PHKB: variants seen among roughly 807,000 people sequenced by gnomAD.
PHKB encodes phosphorylase kinase regulatory subunit beta, also known as phosphorylase b kinase regulatory subunit beta.
A neutral mutation model predicts 152.1 loss-of-function variants in PHKB; 122 were observed. That is an observed-to-expected ratio of 0.80 (90% CI 0.69 to 0.93). PHKB has a LOEUF of 0.93. Among genes scored for constraint, PHKB ranks in the 40% least tolerant of loss-of-function variants. PHKB has a pLI of 0.00. For missense variants in PHKB, 1,304 were observed against 1,328.4 expected, an observed-to-expected ratio of 0.98 and a Z score of 0.29; for synonymous variants, 436 against 464.9, an observed-to-expected ratio of 0.94 and a Z score of 0.80.
At chr16:47,492,720 C>A (rs967810727) in intron 1 of PHKB, among the ~76,000 whole-genome samples, 2 of 152,196 alleles carry the variant, frequency 1.3e-5, no homozygotes, top group Non-Finnish European at 2.9e-5. Context: ...ACCTTCTCAA[C>A]ACCTGGGAGT....
At chr16:47,661,841 T>C (rs766905150) in intron 23 of PHKB, 41 bp downstream of exon 23, 1 of 1,239,858 alleles carries the variant, frequency 8.1e-7, no homozygotes, top group South Asian at 1.2e-5. Flanking sequence ...AGAGGACCTC[T>C]CTAGCCTTGA....
chr16:47,693,871 G>A (rs1211600186), intron 28 of PHKB, among the ~76,000 whole-genome samples: 2 of 152,154 alleles, frequency 1.3e-5, no homozygotes, highest in African/African-American at 4.8e-5. Context: ...TGAGCAAGCT[G>A]TCCTTCCTTT....
intron 13 of PHKB, among the ~76,000 whole-genome samples, chr16:47,602,542 C>CTTTTTTTTTTTTTTTTTTTT (rs34655174): frequency 1.6e-5 from 2 of 122,678 alleles, no homozygotes; most frequent in Non-Finnish European, 1.7e-5. Flanking sequence ...GCTTCTCTTC[C>CTTTTTTTTTTTTTTTTTTTT]TTTTTTTTTT....
chr16:47,656,621 A>C (rs1973344189), intron 20 of PHKB, among the ~76,000 whole-genome samples: 2 of 152,174 alleles, frequency 1.3e-5, no homozygotes, highest in South Asian at 4.1e-4. Context: ...TGTGCAAACA[A>C]TCTCTAGAAC....
chr16:47,647,333 A>C (rs1973148875), intron 16 of PHKB, among the ~76,000 whole-genome samples: 1 of 152,174 alleles, frequency 6.6e-6, no homozygotes, highest in Non-Finnish European at 1.5e-5. Context: ...CATGTCGGCC[A>C]GGCTGGTCTT....
Position 47,679,509 on chromosome 16 carries a change from G to T in PHKB, c.2631-9532G>T, listed in dbSNP as rs576207130. Among the ~76,000 whole-genome samples the T allele has an allele frequency of 3.6e-3, 543 of 152,172 alleles. 2 individuals are homozygous for T. Among genetic ancestry groups the T allele is most frequent in the Non-Finnish European group, 6.0e-3 (411 of 67,994 alleles). ...ACATCCCTTGTAAGTTGAATTCCTA[G>T]GTATTTTATTCTCTTTGAAGCAATT... On this transcript the variant is annotated intron_variant, in intron 26 of 30. Coordinates refer to ENST00000323584, the MANE Select transcript of PHKB (RefSeq NM_000293.3).
chr16:47,589,167 G>A, intron 10 of PHKB, 65 bp downstream of exon 10: 1 of 1,228,712 alleles, frequency 8.1e-7, no homozygotes, highest in African/African-American at 1.5e-5. Context: ...TCAGGAGACT[G>A]ACCATTGGGT....
At position 47,651,576 on chromosome 16, in the gene PHKB, C is replaced by A. The variant is rs554205129; in HGVS notation, c.1971+655C>A. Among the ~76,000 whole-genome samples the A allele has an allele frequency of 4.0e-4, 61 of 152,302 alleles. No homozygotes were observed. In the South Asian group the frequency reaches 0.012, roughly 31 times the overall value. On this transcript the variant is annotated intron_variant, in intron 20 of 30. Coordinates refer to ENST00000323584, the MANE Select transcript of PHKB (RefSeq NM_000293.3). ...AATCATGCAGACCACAAATATACTT[C>A]TATTCTTCACCATGCTTTCGTGACC... is the stretch of plus-strand genomic sequence containing the variant.
chr16:47,589,412 C>T (rs1448534421), intron 10 of PHKB, among the ~76,000 whole-genome samples: 3 of 152,198 alleles, frequency 2.0e-5, no homozygotes, highest in African/African-American at 7.2e-5. Context: ...GGGCCATGTT[C>T]ATTTATTGGG....
At chr16:47,541,682 T>C (rs916609653) in intron 6 of PHKB, among the ~76,000 whole-genome samples, 5 of 152,312 alleles carry the variant, frequency 3.3e-5, no homozygotes, top group Non-Finnish European at 7.4e-5. Context: ...TTTTAATGAT[T>C]GCCATTCTAA....
chr16:47,535,821 C>T (rs11862096), intron 6 of PHKB, among the ~76,000 whole-genome samples: 17,783 of 152,168 alleles, frequency 0.12, 2,280 homozygotes, highest in African/African-American at 0.32. Flanking sequence ...ATACTGAAAA[C>T]ACCACAGATG....
intron 27 of PHKB, among the ~76,000 whole-genome samples, chr16:47,689,516 C>A (rs1974024035): frequency 6.6e-6 from 1 of 152,182 alleles, no homozygotes; most frequent in African/African-American, 2.4e-5. Context: ...CTCCTCCCAG[C>A]ATTTTGGCAG....
At chr16:47,510,237 G>C (rs1430657373) in intron 4 of PHKB, among the ~76,000 whole-genome samples, 1 of 152,108 alleles carries the variant, frequency 6.6e-6, no homozygotes, top group South Asian at 2.1e-4. Flanking sequence ...GTGTTATGTA[G>C]GCATGATTGA....
At chr16:47,697,636 C>T (rs1373696450) in intron 29 of PHKB, among the ~76,000 whole-genome samples, 1 of 152,080 alleles carries the variant, frequency 6.6e-6, no homozygotes, top group African/African-American at 2.4e-5. Flanking sequence ...TTTGAAGCAT[C>T]GAGATAAAAT....
intron 8 of PHKB, among the ~76,000 whole-genome samples, chr16:47,582,227 T>C (rs554349236): frequency 1.3e-5 from 2 of 152,274 alleles, no homozygotes; most frequent in South Asian, 4.2e-4. Context: ...GCCAGCTCTT[T>C]TTTGCAATAG....
intron 6 of PHKB, among the ~76,000 whole-genome samples, chr16:47,546,138 G>A (rs1364381523): frequency 6.6e-6 from 1 of 152,106 alleles, no homozygotes; most frequent in Non-Finnish European, 1.5e-5. Flanking sequence ...TCCGTTGCTG[G>A]TGAGGAGCTA....
rs1303360449 is a variant in PHKB, at chr16:47,679,057, G to T, written c.2630+9640G>T. On this transcript the variant is annotated intron_variant, in intron 26 of 30. Coordinates refer to ENST00000323584, the MANE Select transcript of PHKB (RefSeq NM_000293.3). ...TTTCCCCATTGCTTGTTTTTGTCAGGTTTGTCAAAGATCAGATGGTTGTAG... is the reference window on the plus strand; with the variant it reads ...TTTCCCCATTGCTTGTTTTTGTCAGTTTTGTCAAAGATCAGATGGTTGTAG... Among the ~76,000 whole-genome samples the T allele has an allele frequency of 3.9e-5, 6 of 152,190 alleles. No homozygotes were observed. The South Asian group carries it at 6.2e-4, about 16-fold the overall frequency.
intron 6 of PHKB, among the ~76,000 whole-genome samples, chr16:47,545,941 C>G (rs1971155221): frequency 6.6e-6 from 1 of 152,224 alleles, no homozygotes; most frequent in Admixed American, 6.5e-5. Flanking sequence ...TCAGCTCCAT[C>G]AGATCAGTTG....
chr16:47,548,624 A>G (rs866563816), intron 7 of PHKB, among the ~76,000 whole-genome samples: 131 of 151,482 alleles, frequency 8.6e-4, no homozygotes, highest in Middle Eastern at 6.8e-3. Flanking sequence ...AAAAAAAAAG[A>G]AACACTGTAG....
Sources: gnomAD v4.1 joint callset for allele counts (sites outside exome capture counted in the v4.1 genomes callset) on GRCh38, gnomAD v4.1.1 for gene constraint, MANE v1.5 for transcripts, NCBI Gene and HGNC (gene_info 2026-07-23, HGNC 2026-07-21) for gene names.